The following NEGR1 variants were observed in gnomAD, a reference collection of about 807,000 sequenced individuals.
NEGR1 encodes the protein neuronal growth regulator 1, also known as IgLON family member 4.
NEGR1 carries 10 observed loss-of-function variants against 40.9 expected under a neutral mutation model. That is an observed-to-expected ratio of 0.24 (90% CI 0.15 to 0.42). The LOEUF is 0.42. Among genes scored for constraint, NEGR1 ranks in the 10% least tolerant of loss-of-function variants. The probability of loss-of-function intolerance (pLI) is 1.00; values close to 1 mark genes in which losing one functional copy is unlikely to be tolerated. For missense variants in NEGR1, 352 were observed against 438.9 expected (o/e 0.80, Z 1.77); for synonymous variants, 185 against 166.8 (o/e 1.11, Z -0.84).
At chr1:71,998,365 T>C in intron 1 of NEGR1, among the ~76,000 whole-genome samples, 1 of 152,000 alleles carries the variant, frequency 6.6e-6, no homozygotes, top group East Asian at 1.9e-4. Context: ...AAAACAATTC[T>C]ATTATATACT....
intron 4 of NEGR1, among the ~76,000 whole-genome samples, chr1:71,684,631 T>TA (rs1227420550): frequency 6.6e-6 from 1 of 152,208 alleles, no homozygotes; most frequent in African/African-American, 2.4e-5. Flanking sequence ...CTTTCGAGAA[T>TA]AATCTCCCTG....
chr1:72,091,449 A>G (rs1184396920), intron 1 of NEGR1, among the ~76,000 whole-genome samples: 4 of 100,934 alleles, frequency 4.0e-5, no homozygotes, highest in Non-Finnish European at 7.5e-5. Context: ...CCCTAACTCC[A>G]TCCCTAACTC....
intron 1 of NEGR1, among the ~76,000 whole-genome samples, chr1:72,148,176 C>T (rs186273811): frequency 1.4e-3 from 212 of 152,204 alleles, no homozygotes; most frequent in African/African-American, 4.8e-3. Context: ...ACGAGGACCC[C>T]GCCCCTGCAG....
chr1:71,872,203 A>C (rs1449067964), intron 2 of NEGR1, among the ~76,000 whole-genome samples: 1 of 152,228 alleles, frequency 6.6e-6, no homozygotes, highest in Non-Finnish European at 1.5e-5. Flanking sequence ...AAGAGGTGTT[A>C]CATGCAGGAA....
intron 2 of NEGR1, among the ~76,000 whole-genome samples, chr1:71,803,705 T>G (rs1022223719): frequency 6.6e-6 from 1 of 152,142 alleles, no homozygotes; most frequent in Non-Finnish European, 1.5e-5. Flanking sequence ...GTTTACAAAT[T>G]TTACCTTTCT....
intron 2 of NEGR1, among the ~76,000 whole-genome samples, chr1:71,846,666 G>C (rs1440250563): frequency 6.6e-6 from 1 of 152,052 alleles, no homozygotes; most frequent in Non-Finnish European, 1.5e-5. Flanking sequence ...CTTAGAATGG[G>C]TAACTTAGAA....
chr1:71,546,899 G>A (rs746786823), intron 6 of NEGR1, among the ~76,000 whole-genome samples: 9 of 151,560 alleles, frequency 5.9e-5, no homozygotes, highest in Non-Finnish European at 1.3e-4. Context: ...ATATAAAGAG[G>A]TGCCCTATTG....
At chr1:71,800,426 C>T (rs1483753619) in intron 2 of NEGR1, among the ~76,000 whole-genome samples, 2 of 152,104 alleles carry the variant, frequency 1.3e-5, no homozygotes, top group Non-Finnish European at 2.9e-5. Flanking sequence ...TTTGCCCATG[C>T]CTATGTCCTG....
At chr1:72,038,613 C>A (rs1295696522) in intron 1 of NEGR1, among the ~76,000 whole-genome samples, 1 of 151,924 alleles carries the variant, frequency 6.6e-6, no homozygotes, top group South Asian at 2.1e-4. Flanking sequence ...GAGATCATTT[C>A]TGTCTTCAAA....
intron 1 of NEGR1, among the ~76,000 whole-genome samples, chr1:72,258,004 T>C (rs889181347): frequency 6.6e-6 from 1 of 152,172 alleles, no homozygotes; most frequent in African/African-American, 2.4e-5. Context: ...AAGTTGAGGA[T>C]GGCAATAGAT....
chr1:72,098,923 A>T (rs1648821559), intron 1 of NEGR1, among the ~76,000 whole-genome samples: 1 of 151,498 alleles, frequency 6.6e-6, no homozygotes. Flanking sequence ...AATAAAACTA[A>T]AATAAACTTT....
At chr1:72,259,462 C>T (rs1207485567) in intron 1 of NEGR1, among the ~76,000 whole-genome samples, 1 of 152,092 alleles carries the variant, frequency 6.6e-6, no homozygotes, top group Non-Finnish European at 1.5e-5. Context: ...ACAATAACGA[C>T]TCTTTGTGAC....
At chr1:71,451,077 A>G (rs1242841769) in intron 6 of NEGR1, among the ~76,000 whole-genome samples, 1 of 152,146 alleles carries the variant, frequency 6.6e-6, no homozygotes, top group Admixed American at 6.5e-5. Flanking sequence ...ATCACTTTTC[A>G]TTTGTCAATC....
intron 1 of NEGR1, among the ~76,000 whole-genome samples, chr1:71,955,637 A>G (rs1157217469): frequency 3.3e-5 from 5 of 152,148 alleles, no homozygotes; most frequent in Non-Finnish European, 7.4e-5. Flanking sequence ...TTAAAGCAGC[A>G]AATTTTACTA....
chr1:71,830,459 T>TA (rs903257180), intron 2 of NEGR1, among the ~76,000 whole-genome samples: 8 of 150,836 alleles, frequency 5.3e-5, no homozygotes, highest in African/African-American at 9.7e-5. Context: ...AAATTTTAAT[T>TA]AAAAAAAAAT....
chr1:71,462,592 T>G (rs1308157135), intron 6 of NEGR1, among the ~76,000 whole-genome samples: 1 of 152,024 alleles, frequency 6.6e-6, no homozygotes, highest in Non-Finnish European at 1.5e-5. Context: ...GCTTTTGTAC[T>G]AAAAGCCAGT....
chr1:72,256,090 T>C (rs1227070140), intron 1 of NEGR1, among the ~76,000 whole-genome samples: 1 of 152,216 alleles, frequency 6.6e-6, no homozygotes, highest in African/African-American at 2.4e-5. Context: ...ATATACTTTA[T>C]AGAACAATAC....
intron 6 of NEGR1, among the ~76,000 whole-genome samples, chr1:71,427,596 G>A (rs1359562030): frequency 1.3e-5 from 2 of 152,158 alleles, no homozygotes; most frequent in Middle Eastern, 3.2e-3. Context: ...TAAGATAAAT[G>A]TATAGTATTT....
chr1:71,945,634 C>A (rs1473308182), intron 1 of NEGR1, among the ~76,000 whole-genome samples: 1 of 151,870 alleles, frequency 6.6e-6, no homozygotes, highest in African/African-American at 2.4e-5. Flanking sequence ...ATCTTATAAG[C>A]AGAACATGTA....
Sources: allele counts gnomAD v4.1 joint callset (sites outside exome capture counted in the v4.1 genomes callset), GRCh38; gene constraint gnomAD v4.1.1; transcripts MANE v1.5; gene names NCBI Gene and HGNC (gene_info 2026-07-23, HGNC 2026-07-21).